The following RNF121 variants were observed in gnomAD, a reference collection of about 807,000 sequenced individuals.
RNF121 encodes ring finger protein 121.
In RNF121, 21 loss-of-function variants were observed where a neutral mutation model predicts 46.5. The observed-to-expected ratio is 0.45, with a 90% CI of 0.32 to 0.65. The LOEUF is 0.65. Ranked by LOEUF, RNF121 falls within the 30% of genes least tolerant of loss-of-function variation. The pLI, the probability that RNF121 is intolerant of heterozygous loss-of-function variation, is 0.04. For synonymous variants in RNF121, 139 were observed against 144.7 expected (o/e 0.96, Z 0.28); for missense variants, 346 against 416.0 (o/e 0.83, Z 1.46).
intron 1 of RNF121, among the ~76,000 whole-genome samples, chr11:71,951,653 A>C (rs1490089333): frequency 6.6e-6 from 1 of 152,042 alleles, no homozygotes; most frequent in Non-Finnish European, 1.5e-5. Flanking sequence ...AAAAAAAAAA[A>C]AAACCATGGA....
chr11:71,942,759 A>G (rs942662645), intron 1 of RNF121, among the ~76,000 whole-genome samples: 2 of 132,914 alleles, frequency 1.5e-5, no homozygotes, highest in Non-Finnish European at 3.2e-5. Flanking sequence ...CCAAAAAAAA[A>G]ATCTATATAT....
At chr11:71,967,193 CAT>C (rs1954298228) in intron 3 of RNF121, among the ~76,000 whole-genome samples, 1 of 150,846 alleles carries the variant, frequency 6.6e-6, no homozygotes, top group Non-Finnish European at 1.5e-5. Context: ...TTTTAAATAA[CAT>C]GTTTATACTG....
intron 1 of RNF121, among the ~76,000 whole-genome samples, chr11:71,954,678 C>T (rs1230597504): frequency 1.3e-5 from 2 of 152,224 alleles, no homozygotes; most frequent in African/African-American, 4.8e-5. Context: ...CAAAGAGAGG[C>T]ACCTTCATGC....
chr11:71,974,131 C>G (rs112200962), intron 3 of RNF121, among the ~76,000 whole-genome samples: 1 of 152,050 alleles, frequency 6.6e-6, no homozygotes, highest in Non-Finnish European at 1.5e-5. Context: ...TTAGTAGAGA[C>G]GGGGTTTCAC....
intron 1 of RNF121, among the ~76,000 whole-genome samples, chr11:71,949,432 A>G (rs1458320019): frequency 6.6e-6 from 1 of 152,058 alleles, no homozygotes; most frequent in Non-Finnish European, 1.5e-5. Flanking sequence ...AAACAAAAAC[A>G]GGCCAGGCAT....
intron 2 of RNF121, 81 bp downstream of exon 2, chr11:71,957,345 GCTTT>G (rs1367894256): frequency 4.2e-6 from 4 of 957,084 alleles, no homozygotes; most frequent in South Asian, 1.3e-5. Flanking sequence ...TACCCATTTT[GCTTT>G]CTTGTCAGTA....
chr11:71,950,112 A>C (rs1286451072), intron 1 of RNF121, among the ~76,000 whole-genome samples: 2 of 152,184 alleles, frequency 1.3e-5, no homozygotes, highest in African/African-American at 4.8e-5. Flanking sequence ...ATCAGTTGTT[A>C]GTATGAAAGG....
At chr11:71,986,731 T>C (rs1251607528) in intron 4 of RNF121, among the ~76,000 whole-genome samples, 1 of 137,812 alleles carries the variant, frequency 7.3e-6, no homozygotes, top group Non-Finnish European at 1.5e-5. Context: ...ATTGTGCCAC[T>C]GCACTCCAGC....
intron 1 of RNF121, among the ~76,000 whole-genome samples, chr11:71,934,309 G>A (rs1239134176): frequency 6.6e-6 from 1 of 152,228 alleles, no homozygotes; most frequent in African/African-American, 2.4e-5. Flanking sequence ...TCACAGACTG[G>A]TATGAGTAGA....
In RNF121 at chr11:71,995,382, T is replaced by C; in HGVS notation, c.762-68T>C. On this transcript the variant is annotated intron_variant, in intron 7 of 8. Coordinates refer to ENST00000361756, the MANE Select transcript of RNF121 (RefSeq NM_018320.5). ...AAGAGCGAAGGCAGGATTTGAACCT[T>C]TCAAAGACTGTCTGGGGCTGGAGTG... The C allele has an allele frequency of 2.3e-6, 3 of 1,313,266 alleles. No homozygotes were observed. In the Admixed American group the frequency reaches 5.9e-5, roughly 26 times the overall value. The allele number at this position is 1,313,266 out of a possible 1,614,324, so 81.4% of individuals were successfully genotyped here. A position where few individuals can be genotyped will look rare whatever the true frequency, so the allele number is the denominator to read the frequency against.
intron 1 of RNF121, among the ~76,000 whole-genome samples, chr11:71,941,654 C>T (rs1291748746): frequency 6.6e-6 from 1 of 152,202 alleles, no homozygotes; most frequent in Non-Finnish European, 1.5e-5. Context: ...TGGAAAGCCT[C>T]TGAGGAAATG....
chr11:71,964,349 T>A (rs1411524148), intron 3 of RNF121, among the ~76,000 whole-genome samples: 1 of 152,242 alleles, frequency 6.6e-6, no homozygotes, highest in Non-Finnish European at 1.5e-5. Flanking sequence ...TCGTTTTGTG[T>A]TAGTCTTCCA....
chr11:71,934,906 GT>G (rs1953368044), intron 1 of RNF121, among the ~76,000 whole-genome samples: 2 of 149,510 alleles, frequency 1.3e-5, no homozygotes, highest in Non-Finnish European at 3.0e-5. Flanking sequence ...TACTTATTCT[GT>G]GCCTAGTCCT....
chr11:71,972,489 G>A (rs773733561), intron 3 of RNF121, among the ~76,000 whole-genome samples: 1 of 152,092 alleles, frequency 6.6e-6, no homozygotes, highest in Non-Finnish European at 1.5e-5. Flanking sequence ...CAGCCTTTTA[G>A]TGGGCATCCA....
chr11:71,978,170 G>A (rs1026827096), intron 3 of RNF121: 37 of 452,118 alleles, frequency 8.2e-5, no homozygotes, highest in African/African-American at 3.8e-4. Context: ...CAATGTGCTC[G>A]AATTACAGGA....
At chr11:71,956,497 C>T (rs1053421645) in intron 1 of RNF121, among the ~76,000 whole-genome samples, 1 of 152,220 alleles carries the variant, frequency 6.6e-6, no homozygotes, top group African/African-American at 2.4e-5. Flanking sequence ...TGAAAACAAG[C>T]TCTGAAAAGA....
chr11:71,930,274 T>C (rs1049016190), intron 1 of RNF121, among the ~76,000 whole-genome samples: 12 of 152,276 alleles, frequency 7.9e-5, no homozygotes, highest in African/African-American at 2.6e-4. Flanking sequence ...GTGAGATCTC[T>C]GAGGGGTCAG....
chr11:71,968,024 T>A (rs1006042257), intron 3 of RNF121, among the ~76,000 whole-genome samples: 2 of 151,934 alleles, frequency 1.3e-5, no homozygotes, highest in Non-Finnish European at 2.9e-5. Context: ...ATTTTATTTG[T>A]AGAATTGGTA....
chr11:71,942,196 G>T (rs1953587914), intron 1 of RNF121, among the ~76,000 whole-genome samples: 1 of 151,980 alleles, frequency 6.6e-6, no homozygotes, highest in Admixed American at 6.6e-5. Context: ...ACCTCCCAAA[G>T]TGCTGGGATT....
Sources: gnomAD v4.1 joint callset for allele counts (sites outside exome capture counted in the v4.1 genomes callset) on GRCh38, gnomAD v4.1.1 for gene constraint, MANE v1.5 for transcripts, NCBI Gene and HGNC (gene_info 2026-07-23, HGNC 2026-07-21) for gene names.